The following PCDHA7 variants were observed in gnomAD, a reference collection of about 807,000 sequenced individuals.
PCDHA7 encodes protocadherin alpha-7.
In PCDHA7, 37 loss-of-function variants were observed where a neutral mutation model predicts 57.2. The ratio of observed to expected loss-of-function variants is 0.65; its 90% CI spans 0.50 to 0.85. The LOEUF (loss-of-function observed/expected upper bound fraction) is 0.85. Among genes scored for constraint, PCDHA7 ranks in the 40% least tolerant of loss-of-function variants. PCDHA7 has a pLI of 0.00. For missense variants in PCDHA7, 1,188 were observed against 1,241.8 expected (o/e 0.96, Z 0.65); for synonymous variants, 553 against 558.8 (o/e 0.99, Z 0.15).
rs2150273023 is a variant in PCDHA7, at chr5:140,837,088, T to C, written c.2355+350T>C. On this transcript the variant is annotated intron_variant, in intron 1 of 3. Transcript: ENST00000525929. Reference sequence around the variant, plus strand: ...TGATAATCAATACCTATAAATGTTATAGTAAACAAATTTAATATATATGTT... The same window carrying C: ...TGATAATCAATACCTATAAATGTTACAGTAAACAAATTTAATATATATGTT... 8 of 165,626 alleles carry C rather than the reference T, an allele frequency of 4.8e-5. 1 individual carries two copies. Among genetic ancestry groups the C allele is most frequent in the Non-Finnish European group, 1.0e-4 (8 of 77,090 alleles). 10.3% of individuals were successfully genotyped at this position (165,626 alleles called of 1,614,324 possible).
chr5:140,877,647 G>A, intron 1 of PCDHA7: 2 of 1,613,510 alleles, frequency 1.2e-6, no homozygotes, highest in South Asian at 1.1e-5. Flanking sequence ...GTTGCTCAGC[G>A]CCGCCCACCG....
chr5:140,871,071 G>C (rs1554165077), intron 1 of PCDHA7: 2 of 1,613,188 alleles, frequency 1.2e-6, no homozygotes, highest in East Asian at 2.2e-5. Context: ...ACGGTGAGCC[G>C]GCGCTGACGG....
chr5:140,866,519 A>G (rs940195026), intron 1 of PCDHA7: 8 of 152,312 alleles, frequency 5.3e-5, no homozygotes, highest in African/African-American at 1.9e-4. Context: ...TGACTAAGCC[A>G]TGATAGAGCA....
At chr5:140,965,838 T>C (rs1486782697) in intron 1 of PCDHA7, among the ~76,000 whole-genome samples, 5 of 152,204 alleles carry the variant, frequency 3.3e-5, no homozygotes, top group African/African-American at 1.2e-4. Flanking sequence ...ATATTGGTTA[T>C]TTGCCAAGGC....
chr5:140,840,691 C>T (rs886762733), intron 1 of PCDHA7, among the ~76,000 whole-genome samples: 1 of 151,924 alleles, frequency 6.6e-6, no homozygotes, highest in Non-Finnish European at 1.5e-5. Context: ...GTAAATAAAA[C>T]GGTTCAGGCA....
intron 1 of PCDHA7, chr5:140,927,708 A>G: frequency 6.2e-7 from 1 of 1,614,202 alleles, no homozygotes; most frequent in Non-Finnish European, 8.5e-7. Context: ...AGTACTCCCT[A>G]AGCAACAGCA....
At chr5:140,966,740 C>G in intron 1 of PCDHA7, 1 of 1,422,696 alleles carries the variant, frequency 7.0e-7, no homozygotes, top group Non-Finnish European at 9.1e-7. Flanking sequence ...CGGCCCTGCC[C>G]GGCTGCCTCC....
intron 1 of PCDHA7, chr5:140,929,632 C>T: frequency 2.6e-6 from 1 of 387,580 alleles, no homozygotes; most frequent in Admixed American, 4.5e-5. Flanking sequence ...TTATAAGCAA[C>T]AGATGTGTAA....
chr5:140,852,926 T>C (rs1274481129), intron 1 of PCDHA7: 1 of 649,848 alleles, frequency 1.5e-6, no homozygotes, highest in Non-Finnish European at 2.0e-6. Flanking sequence ...TTGCCCAGGC[T>C]GGAGTGCAGT....
At chr5:140,990,471 A>G (rs892013539) in intron 3 of PCDHA7, among the ~76,000 whole-genome samples, 4 of 152,204 alleles carry the variant, frequency 2.6e-5, no homozygotes, top group Admixed American at 1.3e-4. Context: ...GGTATCATGT[A>G]TCAAGCTGAA....
intron 1 of PCDHA7, chr5:140,875,686 G>C (rs17844351): frequency 0.022 from 35,932 of 1,613,570 alleles, 480 homozygotes; most frequent in East Asian, 0.061. Flanking sequence ...CAAAAGACAC[G>C]GGGACCTTCT....
intron 1 of PCDHA7, among the ~76,000 whole-genome samples, chr5:140,925,561 G>A (rs972926230): frequency 6.6e-6 from 1 of 151,674 alleles, no homozygotes; most frequent in African/African-American, 2.4e-5. Flanking sequence ...ACAAGTTAAT[G>A]GGTGCAGCAC....
chr5:140,924,714 G>C (rs2081964744), intron 1 of PCDHA7, among the ~76,000 whole-genome samples: 1 of 151,860 alleles, frequency 6.6e-6, no homozygotes, highest in African/African-American at 2.4e-5. Context: ...GTGCAACATG[G>C]CGAAACCTCA....
chr5:140,988,025 G>A (rs1305100946), intron 3 of PCDHA7, among the ~76,000 whole-genome samples: 1 of 152,136 alleles, frequency 6.6e-6, no homozygotes, highest in African/African-American at 2.4e-5. Context: ...TGATTCTTAA[G>A]TTTTTTAGAA....
intron 1 of PCDHA7, among the ~76,000 whole-genome samples, chr5:140,920,983 T>C (rs1472212249): frequency 6.6e-6 from 1 of 152,106 alleles, no homozygotes; most frequent in Non-Finnish European, 1.5e-5. Context: ...AATATTGTAT[T>C]TGCTTATTTT....
chr5:140,937,933 A>C (rs1452935525), intron 1 of PCDHA7, among the ~76,000 whole-genome samples: 1 of 151,854 alleles, frequency 6.6e-6, no homozygotes, highest in Non-Finnish European at 1.5e-5. Flanking sequence ...AAAAAGTTTA[A>C]TTTGATAATT....
At chr5:141,000,052 C>G (rs945182675) in intron 3 of PCDHA7, among the ~76,000 whole-genome samples, 2 of 152,100 alleles carry the variant, frequency 1.3e-5, no homozygotes, top group Admixed American at 1.3e-4. Flanking sequence ...CACCACTCTC[C>G]CAGCTGCTCT....
At chr5:140,991,808 G>A (rs367660702) in intron 3 of PCDHA7, among the ~76,000 whole-genome samples, 4 of 152,074 alleles carry the variant, frequency 2.6e-5, no homozygotes, top group East Asian at 1.9e-4. Flanking sequence ...GGCCACTTCC[G>A]CATTTTTAGG....
chr5:140,947,738 T>C (rs2153680991), intron 1 of PCDHA7, among the ~76,000 whole-genome samples: 1 of 151,740 alleles, frequency 6.6e-6, no homozygotes, highest in South Asian at 2.1e-4. Context: ...GTAATACCTA[T>C]TCTTATGTAT....
Sources: allele counts gnomAD v4.1 joint callset (sites outside exome capture counted in the v4.1 genomes callset), GRCh38; gene constraint gnomAD v4.1.1; transcripts MANE v1.5; gene names NCBI Gene and HGNC (gene_info 2026-07-23, HGNC 2026-07-21).